The following BEST4 variants were observed in gnomAD, a reference collection of about 807,000 sequenced individuals.
The protein encoded by BEST4 is bestrophin 4.
Under a neutral mutation model 47.1 loss-of-function variants are expected in BEST4, and 36 were observed. The ratio of observed to expected loss-of-function variants is 0.76; its 90% CI spans 0.59 to 1.01. The LOEUF (loss-of-function observed/expected upper bound fraction) is 1.01. Among genes scored for constraint, BEST4 ranks in the 50% least tolerant of loss-of-function variants. The pLI, the probability that BEST4 is intolerant of heterozygous loss-of-function variation, is 0.00. For missense variants in BEST4, 550 were observed against 648.6 expected (o/e 0.85, Z 1.65); for synonymous variants, 250 against 277.8 (o/e 0.90, Z 1.00).
Position 44,784,272 on chromosome 1 carries a change from CG to C in BEST4, c.1359del (p.Glu454ArgfsTer66). On this transcript the variant is annotated frameshift_variant, in exon 9 of 9. Transcript: ENST00000372207. LOFTEE classifies it low-confidence loss of function (END_TRUNC). This position sits in a 1 kb window ranked among gnomAD's most constrained non-coding sequence, Gnocchi z 6.2. ...TCCTCCTCGATGCGGGCTGCGGCCT[CG>C]GGGTCGCCGCCCTCCTCCGCCCGGA... ...LRFRAEEGGD[P>X]EAAARIEEES... 1 of 1,437,532 alleles carries C rather than the reference CG, an allele frequency of 7.0e-7. No homozygotes were observed. The highest frequency in any genetic ancestry group is 9.0e-7 in the Non-Finnish European group (1 of 1,105,168). The allele number at this position is 1,437,532 out of a possible 1,614,324, so 89.0% of individuals were successfully genotyped here.
intron 5 of BEST4, 103 bp downstream of exon 5, chr1:44,785,496 G>T (rs909273336): frequency 7.8e-7 from 1 of 1,275,922 alleles, no homozygotes; most frequent in East Asian, 2.5e-5. Context: ...GTGCCTCAGG[G>T]GACTGAAATG....
intron 4 of BEST4, 152 bp downstream of exon 4, chr1:44,785,922 C>T: frequency 1.0e-6 from 1 of 993,374 alleles, no homozygotes; most frequent in Non-Finnish European, 1.5e-6. Context: ...TCAAGAGTTG[C>T]TGTAAGGGAT....
At chr1:44,782,857 C>A (rs975533787), downstream of BEST4, among the ~76,000 whole-genome samples, 5 of 151,928 alleles carry the variant, frequency 3.3e-5, no homozygotes, top group African/African-American at 4.8e-5. Flanking sequence ...TCACTGATTT[C>A]TTTAGGTGAA....
rs1651251971 is a variant in BEST4, at chr1:44,786,693, A to T, written c.251T>A (p.Phe84Tyr). 1 of 1,548,776 alleles carries T rather than the reference A, an allele frequency of 6.5e-7. No homozygotes were observed. Residue 84 changes from phenylalanine to tyrosine, a missense_variant, in exon 3 of 9, where the codon TTC (phenylalanine) becomes TAC (tyrosine). This residue lies in a region of BEST4 where 291 missense variants were observed against 342.4 expected (regional missense o/e 0.85). Coordinates refer to ENST00000372207, the MANE Select transcript of BEST4 (RefSeq NM_153274.3). The surrounding 1 kb of genome is among the most constrained non-coding windows in gnomAD (Gnocchi z 4.9). ...GCGGTTCACCACGAGAGTCACATAGAAACCTGCTTGGCCGCCGTGATAGAG... is the reference window on the plus strand; with the variant it reads ...GCGGTTCACCACGAGAGTCACATAGTAACCTGCTTGGCCGCCGTGATAGAG... ...DLIPLSFVLG[F>Y]YVTLVVNRWW...
chr1:44,785,030 CT>C (rs745436002), intron 6 of BEST4, 45 bp from the exon 7 acceptor site: 1 of 1,611,968 alleles, frequency 6.2e-7, no homozygotes, highest in South Asian at 1.1e-5. Flanking sequence ...GAGCCCCACT[CT>C]TTTTCCCCAA....
chr1:44,785,676 C>T lies in BEST4; in HGVS notation c.637G>A (p.Glu213Lys), dbSNP rs1651194222. 2 of 1,552,736 alleles carry T rather than the reference C, an allele frequency of 1.3e-6. No individual in the cohort carries two copies. The highest frequency in any genetic ancestry group is 1.4e-5 in the African/African-American group (1 of 72,984). ...DDIALCLLLE[E>K]LNKYRAKCSM... ...CACTTGGCTCGGTACTTGTTCAGCT[C>T]CTGGGGGAACAGCAGGAACAGGAAG... The change falls in exon 5 of 9, where the codon GAG becomes AAG. Residue 213 changes from glutamate (E) to lysine (K), a missense_variant and splice_region_variant. Physicochemically the swap from Glu to Lys is moderately conservative, Grantham distance 56. Transcript: ENST00000372207.
At chr1:44,791,212 GA>G (rs1412290152), upstream of BEST4, among the ~76,000 whole-genome samples, 4 of 144,774 alleles carry the variant, frequency 2.8e-5, no homozygotes, top group African/African-American at 1.1e-4. Context: ...CTCAGAGAGA[GA>G]GAGAGAGAGA....
downstream of BEST4, among the ~76,000 whole-genome samples, chr1:44,782,273 T>C (rs1480882351): frequency 6.6e-6 from 1 of 150,912 alleles, no homozygotes; most frequent in Non-Finnish European, 1.5e-5. Context: ...CGTGAATGAA[T>C]GGCCATCATT....
chr1:44,786,490 G>A lies in BEST4; in HGVS notation c.454C>T (p.Pro152Ser). 1 of 1,538,636 alleles carries A rather than the reference G, an allele frequency of 6.5e-7. No individual in the cohort carries two copies. Among genetic ancestry groups the A allele is most frequent in the Non-Finnish European group, 8.8e-7 (1 of 1,141,606 alleles). ...GCGTCCACCACGTGCTCCATGGTGG[G>A]GAAGCGCTTAAGCACGCGGGTGCTG... ...SVSTRVLKRFPTMEHVVDAGF... is the reference protein window; with the variant it reads ...SVSTRVLKRFSTMEHVVDAGF... The change falls in exon 3 of 9, where the codon CCC (proline) becomes TCC (serine). Residue 152 changes from proline (P) to serine (S), a missense_variant. Physicochemically the swap from Pro to Ser is moderately conservative, Grantham distance 74. This residue lies in a region of BEST4 where 291 missense variants were observed against 342.4 expected (regional missense o/e 0.85). Coordinates refer to ENST00000372207, the MANE Select transcript of BEST4 (RefSeq NM_153274.3). This position sits in a 1 kb window ranked among gnomAD's most constrained non-coding sequence, Gnocchi z 4.9.
downstream of BEST4, among the ~76,000 whole-genome samples, chr1:44,782,538 G>A (rs548493154): frequency 3.9e-5 from 6 of 152,144 alleles, no homozygotes; most frequent in African/African-American, 1.4e-4. Flanking sequence ...GCTGAGGCAG[G>A]AGAATTGCTT....
chr1:44,783,961 G>T lies in BEST4; in HGVS notation c.*249C>A. On this transcript the variant is annotated 3_prime_UTR_variant, in exon 9 of 9. Transcript: ENST00000372207. ...GTGCACCTGGGCTCTAGTCCTCTAT[G>T]CCTGGGCTCATTTATTTTTCTAGCT... The T allele has an allele frequency of 2.4e-6, 1 of 418,000 alleles. No individual in the cohort carries two copies. The highest frequency in any genetic ancestry group is 3.8e-5 in the East Asian group (1 of 26,278). 25.9% of individuals were successfully genotyped at this position (418,000 alleles called of 1,614,324 possible).
chr1:44,784,762 C>T lies in BEST4; in HGVS notation c.1015G>A (p.Glu339Lys). Residue 339 changes from glutamate to lysine, a missense_variant, in exon 8 of 9, where the codon GAA becomes AAA. Physicochemically the swap from Glu to Lys is moderately conservative, Grantham distance 56. Coordinates refer to ENST00000372207, the MANE Select transcript of BEST4 (RefSeq NM_153274.3). The surrounding 1 kb of genome is among the most constrained non-coding windows in gnomAD (Gnocchi z 6.2). ...GCGGGGGGAAGGTTCTGGTACATTT[C>T]GTCCACGGATAGCAGGGACACCTGG... The part of the protein sequence containing the change: ...NLQVSLLSVD[E>K]MYQNLPPAEK... The T allele has an allele frequency of 6.3e-7, 1 of 1,596,018 alleles. No homozygotes were observed. Among genetic ancestry groups the T allele is most frequent in the Non-Finnish European group, 8.5e-7 (1 of 1,170,142 alleles).
chr1:44,789,280 A>G (rs1363092570), upstream of BEST4, among the ~76,000 whole-genome samples: 1 of 151,258 alleles, frequency 6.6e-6, no homozygotes, highest in African/African-American at 2.4e-5. Context: ...AAGAAAAAGA[A>G]AAAGAAAAAG....
At position 44,786,383 on chromosome 1, in the gene BEST4, C is replaced by A; in HGVS notation, c.481+80G>T. On this transcript the variant is annotated intron_variant, in intron 3 of 8. Transcript: ENST00000372207. The surrounding 1 kb of genome is among the most constrained non-coding windows in gnomAD (Gnocchi z 4.9). ...CAGTCCAGACCCTTCCCTGGAGGCCCCTGCTCCCAGGACTCTCCCAGGCGC... is the reference window on the plus strand; with the variant it reads ...CAGTCCAGACCCTTCCCTGGAGGCCACTGCTCCCAGGACTCTCCCAGGCGC... The A allele has an allele frequency of 7.7e-6, 11 of 1,430,968 alleles. No homozygotes were observed. The highest frequency in any genetic ancestry group is 5.0e-5 in the Admixed American group (2 of 40,396). 88.6% of individuals were successfully genotyped at this position (1,430,968 alleles called of 1,614,324 possible).
rs1438469123 is a variant in BEST4, at chr1:44,786,495, C to T, written c.449G>A (p.Arg150His). The T allele has an allele frequency of 6.5e-7, 1 of 1,540,218 alleles. No individual in the cohort carries two copies. Among genetic ancestry groups the T allele is most frequent in the South Asian group, 1.2e-5 (1 of 84,398 alleles). ...CACCACGTGCTCCATGGTGGGGAAGCGCTTAAGCACGCGGGTGCTGACCGA... is the reference window on the plus strand; with the variant it reads ...CACCACGTGCTCCATGGTGGGGAAGTGCTTAAGCACGCGGGTGCTGACCGA... ...LRSVSTRVLKRFPTMEHVVDA... is the reference protein window; with the variant it reads ...LRSVSTRVLKHFPTMEHVVDA... The change falls in exon 3 of 9, where the codon CGC (arginine) becomes CAC (histidine). Residue 150 changes from arginine (R) to histidine (H), a missense_variant. Transcript: ENST00000372207. The surrounding 1 kb of genome is among the most constrained non-coding windows in gnomAD (Gnocchi z 4.9).
intron 2 of BEST4, 90 bp downstream of exon 2, chr1:44,787,282 G>A: frequency 7.8e-7 from 1 of 1,281,288 alleles, no homozygotes. Context: ...CCATCTGTTG[G>A]GTAATTCTGA....
chr1:44,784,758 A>T lies in BEST4; in HGVS notation c.1019T>A (p.Met340Lys). The T allele has an allele frequency of 6.3e-7, 1 of 1,597,614 alleles. No homozygotes were observed. Among genetic ancestry groups the T allele is most frequent in the Non-Finnish European group, 8.5e-7 (1 of 1,170,936 alleles). ...CTCAGCGGGGGGAAGGTTCTGGTAC[A>T]TTTCGTCCACGGATAGCAGGGACAC... is the stretch of plus-strand genomic sequence containing the variant. Reference protein sequence around the residue: ...LQVSLLSVDEMYQNLPPAEKD... With the variant: ...LQVSLLSVDEKYQNLPPAEKD... The change falls in exon 8 of 9, where the codon ATG (methionine) becomes AAG (lysine). Residue 340 changes from methionine to lysine, a missense_variant. By Grantham distance (95) the Met-to-Lys change is moderately conservative. Around this residue, in one of 3 missense-constraint regions of BEST4, gnomAD observed 255 missense variants for 286.6 expected, o/e 0.89. Transcript: ENST00000372207. This position sits in a 1 kb window ranked among gnomAD's most constrained non-coding sequence, Gnocchi z 6.2.
chr1:44,786,411 C>T lies in BEST4; in HGVS notation c.481+52G>A, dbSNP rs1651235102. On this transcript the variant is annotated intron_variant, in intron 3 of 8. Transcript: ENST00000372207. This position sits in a 1 kb window ranked among gnomAD's most constrained non-coding sequence, Gnocchi z 4.9. ...GCTCCCAGGACTCTCCCAGGCGCCA[C>T]CTGCATCCGGCTGTGGGCCGGACCC... The T allele has an allele frequency of 2.7e-6, 4 of 1,456,752 alleles. No homozygotes were observed. The East Asian group carries it at 7.4e-5, about 27-fold the overall frequency. The allele number at this position is 1,456,752 out of a possible 1,614,324, so 90.2% of individuals were successfully genotyped here. A position where few individuals can be genotyped will look rare whatever the true frequency, so the allele number is the denominator to read the frequency against.
chr1:44,783,414 G>C (rs759820873), downstream of BEST4, among the ~76,000 whole-genome samples: 10 of 151,984 alleles, frequency 6.6e-5, no homozygotes, highest in Non-Finnish European at 1.2e-4. Context: ...CTAGGTCTAG[G>C]GTGGGTGGTG....
Sources: gnomAD v4.1 joint callset for allele counts (sites outside exome capture counted in the v4.1 genomes callset) on GRCh38, gnomAD v4.1.1 for gene constraint, gnomAD v4.1.1 regional missense constraint, Gnocchi (gnomAD v3.1) non-coding constraint, MANE v1.5 for transcripts, NCBI Gene and HGNC (gene_info 2026-07-23, HGNC 2026-07-21) for gene names.